MCM10: variants seen among roughly 807,000 people sequenced by gnomAD.
MCM10 encodes minichromosome maintenance 10 replication initiation factor, also known as protein MCM10 homolog.
MCM10 carries 91 observed loss-of-function variants against 109.9 expected under a neutral mutation model. That is an observed-to-expected ratio of 0.83 (90% confidence interval 0.70 to 0.99). MCM10 has a LOEUF of 0.99. Ranked by LOEUF, MCM10 falls within the 50% of genes least tolerant of loss-of-function variation. MCM10 has a pLI of 0.00. For missense variants in MCM10, 1,077 were observed against 1,061.2 expected (o/e 1.01, Z -0.21); for synonymous variants, 380 against 387.2 (o/e 0.98, Z 0.22).
Position 13,189,075 on chromosome 10 carries a change from T to G in MCM10, c.1410T>G (p.Ala470=), listed in dbSNP as rs1405151188. 1.2e-6 allele frequency: 2 copies of G among 1,614,238 alleles called. No individual in the cohort carries two copies. The highest frequency in any genetic ancestry group is 8.5e-7 in the Non-Finnish European group (1 of 1,180,046). ...YGGVSSASYA[A]SIAAAVAPKK... ...GGGTTTCTTCTGCCTCGTATGCAGC[T>G]TCAATGTAAGACGTTCTCGGGCTTC... Residue 470 remains alanine (A), a synonymous_variant, in exon 10 of 20, where the codon GCT becomes GCG. Coordinates refer to ENST00000378714, the MANE Select transcript of MCM10 (RefSeq NM_018518.5).
At chr10:13,178,106 C>CT (rs1203999256) in intron 6 of MCM10, among the ~76,000 whole-genome samples, 2 of 151,882 alleles carry the variant, frequency 1.3e-5, no homozygotes, top group African/African-American at 2.4e-5. Context: ...AGTCTTTAAT[C>CT]TTTTTTTTGA....
intron 6 of MCM10, among the ~76,000 whole-genome samples, chr10:13,176,532 A>G (rs1267545744): frequency 6.6e-6 from 1 of 152,178 alleles, no homozygotes; most frequent in Non-Finnish European, 1.5e-5. Context: ...TCAGCCAACA[A>G]CTAAAACTGC....
intron 10 of MCM10, among the ~76,000 whole-genome samples, chr10:13,190,527 CA>C (rs71386163): frequency 0.83 from 126,402 of 151,846 alleles, 52,919 homozygotes; most frequent in South Asian, 0.89. Flanking sequence ...CTACAAAATG[CA>C]AAAAAAATTA....
chr10:13,198,818 A>G lies in MCM10; in HGVS notation c.2238+11A>G. On this transcript the variant is annotated intron_variant, in intron 16 of 19. Transcript: ENST00000378714. Reference sequence around the variant, plus strand: ...GGCATCCTGAAAGAGGTAAGAGCCCAAAAGCTCAAGGATGGTGTTGATGTC... The same window carrying G: ...GGCATCCTGAAAGAGGTAAGAGCCCGAAAGCTCAAGGATGGTGTTGATGTC... 6.4e-7 allele frequency: 1 copy of G among 1,572,754 alleles called. No homozygotes were observed. Among genetic ancestry groups the G allele is most frequent in the Non-Finnish European group, 8.7e-7 (1 of 1,145,044 alleles).
intron 6 of MCM10, among the ~76,000 whole-genome samples, chr10:13,177,918 G>A (rs1050875655): frequency 3.3e-5 from 5 of 151,698 alleles, no homozygotes; most frequent in African/African-American, 1.2e-4. Flanking sequence ...GGACTTATAT[G>A]TAAGGCACCC....
intron 2 of MCM10, among the ~76,000 whole-genome samples, chr10:13,165,571 A>G (rs991125997): frequency 5.3e-5 from 8 of 152,212 alleles, no homozygotes; most frequent in Non-Finnish European, 1.0e-4. Flanking sequence ...ATAGGTCAAG[A>G]AAGAAGAAAT....
intron 18 of MCM10, chr10:13,204,654 T>G (rs1834546780): frequency 3.4e-6 from 1 of 292,308 alleles, no homozygotes; most frequent in African/African-American, 2.2e-5. Context: ...AACATGTGTG[T>G]GTTTGTTGGG....
chr10:13,176,673 G>T (rs752409260), intron 6 of MCM10, among the ~76,000 whole-genome samples: 5 of 152,232 alleles, frequency 3.3e-5, no homozygotes, highest in African/African-American at 1.2e-4. Flanking sequence ...AAGGCAGGAG[G>T]ATTGCTTGAA....
chr10:13,182,948 A>T lies in MCM10; in HGVS notation c.946A>T (p.Ile316Leu), dbSNP rs1296635975. 1.2e-6 allele frequency: 2 copies of T among 1,613,522 alleles called. No individual in the cohort carries two copies. The highest frequency in any genetic ancestry group is 1.1e-5 in the South Asian group (1 of 90,990). Residue 316 changes from isoleucine (I) to leucine (L), a missense_variant, in exon 8 of 20, where the codon ATA becomes TTA. Ile to Leu is a conservative substitution (Grantham distance 5). Transcript: ENST00000378714. This position sits in a 1 kb window ranked among gnomAD's most constrained non-coding sequence, Gnocchi z 4.2. ...QSVNSGKTFS[I>L]WKLNDLRDLT... ...TTTGTTCCAGGGAAAAACCTTCAGC[A>T]TATGGAAACTGAATGATCTTCGTGA...
chr10:13,204,057 G>A (rs981109605), intron 17 of MCM10, among the ~76,000 whole-genome samples, 162 bp from the exon 18 acceptor site: 4 of 152,144 alleles, frequency 2.6e-5, no homozygotes, highest in Admixed American at 6.5e-5. Flanking sequence ...GCAATCACAC[G>A]GGTCACTGTA....
chr10:13,187,304 C>A (rs1235697914), intron 9 of MCM10, among the ~76,000 whole-genome samples: 1 of 152,194 alleles, frequency 6.6e-6, no homozygotes, highest in African/African-American at 2.4e-5. Context: ...TAGCATTTAT[C>A]AACACTTTAT....
intron 9 of MCM10, 61 bp downstream of exon 9, chr10:13,186,341 G>T (rs189494547): frequency 3.4e-6 from 4 of 1,163,220 alleles, no homozygotes; most frequent in Non-Finnish European, 5.1e-6. Context: ...GGAATAAACT[G>T]TTGGTGCTTT....
intron 6 of MCM10, among the ~76,000 whole-genome samples, chr10:13,177,413 A>C (rs1834155180): frequency 6.6e-6 from 1 of 151,478 alleles, no homozygotes; most frequent in Non-Finnish European, 1.5e-5. Context: ...TAGACTTGCT[A>C]GTTAAGCATC....
At position 13,201,525 on chromosome 10, in the gene MCM10, A is replaced by G. The variant is rs781113142; in HGVS notation, c.2343A>G (p.Thr781=). 6.2e-7 allele frequency: 1 copy of G among 1,608,650 alleles called. No homozygotes were observed. Among genetic ancestry groups the G allele is most frequent in the East Asian group, 2.2e-5 (1 of 44,606 alleles). The change falls in exon 17 of 20, where the codon ACA becomes ACG. Residue 781 remains threonine (T), a synonymous_variant. Transcript: ENST00000378714. ...GAGAAGTGAAGTGCCGTGTCGTGAC[A>G]TGCAAGACGGTGGGTGAAGGTGGGG... is the stretch of plus-strand genomic sequence containing the variant. ...NIREVKCRVV[T]CKTCAYTHFK...
chr10:13,180,357 C>T (rs1834194177), intron 6 of MCM10, 85 bp from the exon 7 acceptor site: 1 of 1,223,584 alleles, frequency 8.2e-7, no homozygotes, highest in Non-Finnish European at 1.1e-6. Context: ...GGTTTCTGAC[C>T]ATCACACTCC....
intron 2 of MCM10, among the ~76,000 whole-genome samples, chr10:13,166,931 G>A (rs1420952067): frequency 1.3e-5 from 2 of 151,880 alleles, no homozygotes; most frequent in African/African-American, 4.8e-5. Context: ...TTGAGGCCAG[G>A]AGTTCAAGAC....
At chr10:13,184,133 C>T (rs1310384789) in intron 8 of MCM10, among the ~76,000 whole-genome samples, 3 of 152,092 alleles carry the variant, frequency 2.0e-5, no homozygotes, top group Admixed American at 1.3e-4. Flanking sequence ...GCTGGGATTA[C>T]AGCCATGAGC....
At chr10:13,169,679 G>A (rs535310902) in intron 2 of MCM10, among the ~76,000 whole-genome samples, 2 of 152,264 alleles carry the variant, frequency 1.3e-5, no homozygotes, top group East Asian at 1.9e-4. Flanking sequence ...ATATAGCAAC[G>A]AAAAGAAAGA....
intron 16 of MCM10, among the ~76,000 whole-genome samples, chr10:13,199,035 A>T (rs1416915304): frequency 1.3e-5 from 2 of 152,156 alleles, no homozygotes; most frequent in African/African-American, 4.8e-5. Flanking sequence ...AGCTGGGATT[A>T]CAGGTGCCTG....
Sources: gnomAD v4.1 joint callset for allele counts (sites outside exome capture counted in the v4.1 genomes callset) on GRCh38, gnomAD v4.1.1 for gene constraint, Gnocchi (gnomAD v3.1) non-coding constraint, MANE v1.5 for transcripts, NCBI Gene and HGNC (gene_info 2026-07-23, HGNC 2026-07-21) for gene names.